RBFOX1: variants seen among roughly 807,000 people sequenced by gnomAD.
RBFOX1 encodes RNA binding fox-1 homolog 1, also known as RNA binding protein fox-1 homolog 1.
Under a neutral mutation model 57.7 loss-of-function variants are expected in RBFOX1, and 8 were observed. The ratio of observed to expected loss-of-function variants is 0.14; its 90% CI spans 0.08 to 0.25. The LOEUF is 0.25. Among genes scored for constraint, RBFOX1 ranks in the 10% least tolerant of loss-of-function variants. The probability of loss-of-function intolerance (pLI) is 1.00; values close to 1 mark genes in which losing one functional copy is unlikely to be tolerated. For synonymous variants in RBFOX1, 326 were observed against 222.4 expected, an observed-to-expected ratio of 1.47 and a Z score of -4.15; for missense variants, 611 against 548.5, an observed-to-expected ratio of 1.11 and a Z score of -1.14.
Position 7,383,177 on chromosome 16 carries a change from C to T in RBFOX1, c.28-134970C>T, listed in dbSNP as rs537936133. Among the ~76,000 whole-genome samples, 6 of 151,998 alleles carry T rather than the reference C, an allele frequency of 3.9e-5. No homozygotes were observed. The South Asian group carries it at 6.2e-4, about 16-fold the overall frequency. ...GGGAAATTCTTGTTTATCCCGTTGT[C>T]CATGATGTGCTTATTTCTCATGGCA... On this transcript the variant is annotated intron_variant, in intron 4 of 15. Coordinates refer to ENST00000550418, the MANE Select transcript of RBFOX1 (RefSeq NM_018723.4).
At chr16:7,184,320 T>C (rs1416670690) in intron 4 of RBFOX1, among the ~76,000 whole-genome samples, 2 of 152,192 alleles carry the variant, frequency 1.3e-5, no homozygotes, top group Non-Finnish European at 2.9e-5. Flanking sequence ...ATCATCCAAA[T>C]GACAGTGTAC....
At chr16:7,497,510 C>T (rs1438347559) in intron 4 of RBFOX1, among the ~76,000 whole-genome samples, 1 of 152,170 alleles carries the variant, frequency 6.6e-6, no homozygotes, top group Non-Finnish European at 1.5e-5. Context: ...TTTTTGGTAT[C>T]TCTCTTTATC....
At chr16:6,925,244 G>A (rs192911963) in intron 3 of RBFOX1, among the ~76,000 whole-genome samples, 7 of 140,070 alleles carry the variant, frequency 5.0e-5, no homozygotes, top group Non-Finnish European at 6.1e-5. Flanking sequence ...AGCAATTGTC[G>A]TACCTCAGTC....
At chr16:5,896,134 C>G (rs954369724) in intron 4 of RBFOX1, among the ~76,000 whole-genome samples, 1 of 152,148 alleles carries the variant, frequency 6.6e-6, no homozygotes, top group Non-Finnish European at 1.5e-5. Flanking sequence ...AGGCTGGAAT[C>G]TGATCCTGGA....
intron 1 of RBFOX1, among the ~76,000 whole-genome samples, chr16:6,293,917 G>A (rs1399120016): frequency 7.8e-6 from 1 of 127,856 alleles, no homozygotes. Context: ...GGAAATAGAC[G>A]AATTGCAGGA....
At chr16:7,302,668 C>CA (rs1324498438) in intron 4 of RBFOX1, among the ~76,000 whole-genome samples, 2 of 148,578 alleles carry the variant, frequency 1.3e-5, no homozygotes, top group African/African-American at 4.9e-5. Context: ...ATCACTGGGT[C>CA]AAAATCTATA....
chr16:6,007,781 T>G (rs1434087550), intron 4 of RBFOX1, among the ~76,000 whole-genome samples: 1 of 152,026 alleles, frequency 6.6e-6, no homozygotes, highest in African/African-American at 2.4e-5. Flanking sequence ...GCTGGAGATA[T>G]GGGTATGGGA....
intron 3 of RBFOX1, among the ~76,000 whole-genome samples, chr16:6,879,606 A>G (rs2062516264): frequency 6.6e-6 from 1 of 152,234 alleles, no homozygotes; most frequent in African/African-American, 2.4e-5. Context: ...ATCATCCACT[A>G]AACATCAATA....
chr16:7,105,560 C>T (rs11648306), intron 4 of RBFOX1, among the ~76,000 whole-genome samples: 81,232 of 151,678 alleles, frequency 0.54, 21,875 homozygotes, highest in South Asian at 0.64. Flanking sequence ...CTCCCACTTA[C>T]GAGTGAGAAC....
chr16:7,256,821 A>ACGC (rs2094705246), intron 4 of RBFOX1, among the ~76,000 whole-genome samples: 1 of 152,130 alleles, frequency 6.6e-6, no homozygotes. Flanking sequence ...TCACCGTTCT[A>ACGC]CGCACACATC....
chr16:5,550,423 T>A (rs1597486378), intron 2 of RBFOX1, among the ~76,000 whole-genome samples: 1 of 152,316 alleles, frequency 6.6e-6, no homozygotes, highest in East Asian at 1.9e-4. Context: ...ATTACCGCTC[T>A]GTTGGATCCA....
At chr16:6,446,329 G>T (rs958923230) in intron 2 of RBFOX1, among the ~76,000 whole-genome samples, 1 of 152,052 alleles carries the variant, frequency 6.6e-6, no homozygotes, top group African/African-American at 2.4e-5. Flanking sequence ...AATATTATTG[G>T]TTTCTGGAGT....
intron 1 of RBFOX1, among the ~76,000 whole-genome samples, chr16:5,247,909 A>T (rs1035318035): frequency 2.0e-5 from 3 of 152,182 alleles, no homozygotes; most frequent in African/African-American, 7.2e-5. Context: ...GGTCTTTGGT[A>T]TCAGGGGCAC....
In RBFOX1 at chr16:6,753,807, C is replaced by G. The variant is rs536908778; in HGVS notation, c.-16+99157C>G. On this transcript the variant is annotated intron_variant, in intron 3 of 15. Coordinates refer to ENST00000550418, the MANE Select transcript of RBFOX1 (RefSeq NM_018723.4). ...CTGCCACAGCTGAGGCTGTTGCCTGCTCTACATTGATTGAGTTTCCTGGGC... is the reference window on the plus strand; with the variant it reads ...CTGCCACAGCTGAGGCTGTTGCCTGGTCTACATTGATTGAGTTTCCTGGGC... 2.6e-5 allele frequency among the ~76,000 whole-genome samples: 4 copies of G among 152,214 alleles called. No homozygotes were observed. The East Asian group carries it at 7.7e-4, about 29-fold the overall frequency.
chr16:6,716,308 C>T (rs901511579), intron 3 of RBFOX1, among the ~76,000 whole-genome samples: 2 of 152,190 alleles, frequency 1.3e-5, no homozygotes, highest in Non-Finnish European at 2.9e-5. Context: ...CTTCCGATCC[C>T]TTCTGTGGGG....
intron 4 of RBFOX1, among the ~76,000 whole-genome samples, chr16:7,285,193 T>C (rs2095625387): frequency 2.6e-5 from 4 of 151,598 alleles, no homozygotes; most frequent in Admixed American, 2.0e-4. Flanking sequence ...GGAATTTTTA[T>C]TGAGATAATT....
intron 3 of RBFOX1, among the ~76,000 whole-genome samples, chr16:6,753,931 T>G (rs2075371491): frequency 6.6e-6 from 1 of 152,110 alleles, no homozygotes; most frequent in Non-Finnish European, 1.5e-5. Context: ...TTTGAATGCT[T>G]AATTACTGAA....
intron 4 of RBFOX1, among the ~76,000 whole-genome samples, chr16:5,949,731 G>A (rs926307539): frequency 2.0e-5 from 3 of 152,058 alleles, no homozygotes; most frequent in African/African-American, 7.2e-5. Flanking sequence ...ACCTCAACCA[G>A]CAGCAGCAGC....
chr16:7,705,560 AGGAAGATGAAGATT>A (rs1221817466), intron 14 of RBFOX1, among the ~76,000 whole-genome samples: 1 of 152,190 alleles, frequency 6.6e-6, no homozygotes, highest in Non-Finnish European at 1.5e-5. Context: ...AACCAAGGGA[AGGAAGATGAAGATT>A]GAAAGAGGGA....
Sources: allele counts gnomAD v4.1 joint callset (sites outside exome capture counted in the v4.1 genomes callset), GRCh38; gene constraint gnomAD v4.1.1; transcripts MANE v1.5; gene names NCBI Gene and HGNC (gene_info 2026-07-23, HGNC 2026-07-21).